The following GAS7 variants were observed in gnomAD, a reference collection of about 807,000 sequenced individuals.
GAS7 encodes the protein growth arrest-specific protein 7.
Under a neutral mutation model 71.1 loss-of-function variants are expected in GAS7, and 28 were observed. The observed-to-expected ratio is 0.39, with a 90% CI of 0.29 to 0.54. The LOEUF is 0.54. Ranked by LOEUF, GAS7 falls within the 20% of genes least tolerant of loss-of-function variation. The pLI is 0.62. For synonymous variants in GAS7, 258 were observed against 245.8 expected, an observed-to-expected ratio of 1.05 and a Z score of -0.46; for missense variants, 436 against 627.8, an observed-to-expected ratio of 0.69 and a Z score of 3.27.
rs764284520 is a variant in GAS7, at chr17:9,984,282, C to T, written c.305-2398G>A. Reference sequence around the variant, plus strand: ...ATAAAGAGGTTCGGCTACTTGGTCTCGTAGGCCCCAATACTCCCGCTCTCT... The same window carrying T: ...ATAAAGAGGTTCGGCTACTTGGTCTTGTAGGCCCCAATACTCCCGCTCTCT... On this transcript the variant is annotated intron_variant, in intron 2 of 13. Transcript: ENST00000432992. 5.3e-5 allele frequency among the ~76,000 whole-genome samples: 8 copies of T among 152,140 alleles called. No homozygotes were observed. The East Asian group carries it at 1.2e-3, about 22-fold the overall frequency.
At chr17:9,973,960 C>T (rs1567842617) in intron 3 of GAS7, among the ~76,000 whole-genome samples, 2 of 152,280 alleles carry the variant, frequency 1.3e-5, no homozygotes, top group South Asian at 2.1e-4. Context: ...TGTCCCAGCT[C>T]CTGAGGAGAC....
At chr17:10,097,525 G>A (rs576348764) in intron 1 of GAS7, among the ~76,000 whole-genome samples, 1 of 152,334 alleles carries the variant, frequency 6.6e-6, no homozygotes, top group African/African-American at 2.4e-5. Flanking sequence ...GGTGAAGCAG[G>A]TGCAGCAGCT....
At chr17:10,158,042 G>A (rs1219982187) in intron 1 of GAS7, among the ~76,000 whole-genome samples, 5 of 152,040 alleles carry the variant, frequency 3.3e-5, no homozygotes, top group South Asian at 4.1e-4. Context: ...ACGGAGTCTC[G>A]CTCTGTCACC....
intron 2 of GAS7, among the ~76,000 whole-genome samples, chr17:9,997,254 G>GGT (rs2071086036): frequency 1.5e-5 from 2 of 129,456 alleles, no homozygotes; most frequent in African/African-American, 7.9e-5. Context: ...GGGTGGGGGC[G>GGT]GGGGCGGTGG....
chr17:9,918,541 C>G (rs939370700), intron 12 of GAS7, among the ~76,000 whole-genome samples: 3 of 152,188 alleles, frequency 2.0e-5, no homozygotes, highest in Non-Finnish European at 4.4e-5. Context: ...GCAGCCCTGG[C>G]CCTGGTGCCC....
At chr17:10,140,522 T>C (rs1356149430) in intron 1 of GAS7, among the ~76,000 whole-genome samples, 1 of 152,212 alleles carries the variant, frequency 6.6e-6, no homozygotes, top group Non-Finnish European at 1.5e-5. Context: ...TGTGTGTCTA[T>C]GTCTATGTGT....
intron 1 of GAS7, among the ~76,000 whole-genome samples, chr17:10,133,122 A>ATATATAT (rs1392845338): frequency 1.2e-3 from 141 of 118,912 alleles, no homozygotes; most frequent in South Asian, 3.2e-3. Flanking sequence ...ATATTTTTAT[A>ATATATAT]TTTTTTTTTT....
intron 2 of GAS7, among the ~76,000 whole-genome samples, chr17:9,982,411 C>T (rs2070444676): frequency 6.6e-6 from 1 of 152,164 alleles, no homozygotes; most frequent in Non-Finnish European, 1.5e-5. Context: ...TTCTAAGTCT[C>T]ATTTGAGCTG....
chr17:10,005,157 G>GTGTATGTACATGTATACATGCATGTGTA (rs1426400377), intron 2 of GAS7, among the ~76,000 whole-genome samples: 1 of 88,336 alleles, frequency 1.1e-5, no homozygotes, highest in Non-Finnish European at 3.2e-5. Context: ...ATGCATGCAT[G>GTGTATGTACATGTATACATGCATGTGTA]TGTGTGCGCA....
At chr17:10,174,368 G>A (rs1270977791) in intron 1 of GAS7, among the ~76,000 whole-genome samples, 4 of 152,168 alleles carry the variant, frequency 2.6e-5, no homozygotes, top group African/African-American at 9.7e-5. Flanking sequence ...GCACTAAACA[G>A]AGACCTGGAT....
At chr17:10,023,517 T>C (rs1173637028) in intron 1 of GAS7, among the ~76,000 whole-genome samples, 1 of 149,394 alleles carries the variant, frequency 6.7e-6, no homozygotes, top group African/African-American at 2.5e-5. Flanking sequence ...AAAAAAAAAA[T>C]GGAGCCGTGA....
chr17:10,178,994 G>C (rs1406523285), intron 1 of GAS7, among the ~76,000 whole-genome samples: 1 of 151,992 alleles, frequency 6.6e-6, no homozygotes, highest in African/African-American at 2.4e-5. Flanking sequence ...GACTGGCTGA[G>C]AGAACCAATG....
At chr17:10,036,486 T>C in intron 1 of GAS7, 2 of 1,613,612 alleles carry the variant, frequency 1.2e-6, no homozygotes, top group South Asian at 2.2e-5. Context: ...AGGAGAGTCT[T>C]GGGTCCTGCC....
intron 1 of GAS7, among the ~76,000 whole-genome samples, chr17:10,176,219 C>T (rs1452117023): frequency 7.0e-6 from 1 of 142,990 alleles, no homozygotes; most frequent in Non-Finnish European, 1.6e-5. Context: ...ATAGCAGGGA[C>T]AGGGAGGAGG....
chr17:9,944,613 C>A (rs1335524258), intron 6 of GAS7, among the ~76,000 whole-genome samples: 2 of 152,202 alleles, frequency 1.3e-5, no homozygotes, highest in Non-Finnish European at 2.9e-5. Context: ...CTTCCCAGTT[C>A]CCCCGGTGTG....
intron 1 of GAS7, among the ~76,000 whole-genome samples, chr17:10,177,050 A>G (rs1319436576): frequency 6.6e-6 from 1 of 152,164 alleles, no homozygotes; most frequent in Non-Finnish European, 1.5e-5. Flanking sequence ...GGCCCTGCAG[A>G]GCTCAGAGTG....
chr17:9,991,204 C>A (rs530885746), intron 2 of GAS7, among the ~76,000 whole-genome samples: 102 of 152,346 alleles, frequency 6.7e-4, no homozygotes, highest in African/African-American at 2.3e-3. Context: ...CCTCACCCCT[C>A]CTTTTGATGC....
chr17:10,187,742 T>C (rs1218978978), intron 1 of GAS7, among the ~76,000 whole-genome samples: 1 of 152,176 alleles, frequency 6.6e-6, no homozygotes, highest in East Asian at 1.9e-4. Context: ...AAGACAAAGA[T>C]TTGCTGTTAC....
At position 10,103,695 on chromosome 17, in the gene GAS7, A is replaced by G. The variant is rs113128503; in HGVS notation, c.184-83798T>C. 0.18 allele frequency among the ~76,000 whole-genome samples: 27,417 copies of G among 151,998 alleles called. 2,738 individuals are homozygous for G. The highest frequency in any genetic ancestry group is 0.27 in the Middle Eastern group (79 of 294). ...ACAAAAATTAGCTGGGTGTGGTGGC[A>G]CATGCCTGTAATCCCGGCTACTAGG... On this transcript the variant is annotated intron_variant, in intron 1 of 13. Transcript: ENST00000432992. This position sits in a 1 kb window ranked among gnomAD's most constrained non-coding sequence, Gnocchi z 5.5.
Sources: gnomAD v4.1 joint callset for allele counts (sites outside exome capture counted in the v4.1 genomes callset) on GRCh38, gnomAD v4.1.1 for gene constraint, Gnocchi (gnomAD v3.1) non-coding constraint, MANE v1.5 for transcripts, NCBI Gene and HGNC (gene_info 2026-07-23, HGNC 2026-07-21) for gene names.